The following BMAL2 variants were observed in gnomAD, a reference collection of about 807,000 sequenced individuals.
BMAL2 encodes basic helix-loop-helix ARNT like 2, also known as basic helix-loop-helix ARNT-like protein 2.
the BMAL2 span, among the ~76,000 whole-genome samples, chr12:27,376,995 C>T: frequency 9.1e-4 from 78 of 85,714 alleles, 1 homozygote; most frequent in Non-Finnish European, 6.5e-4. Flanking sequence ...AGCAAAACTC[C>T]GTCTCAAAAA....
chr12:27,387,832 T>C, the BMAL2 span, among the ~76,000 whole-genome samples: 3 of 152,212 alleles, frequency 2.0e-5, no homozygotes, highest in African/African-American at 7.2e-5. Flanking sequence ...TCAAAAATTA[T>C]AGCATTGAAA....
At chr12:27,381,203 G>C in the BMAL2 span, among the ~76,000 whole-genome samples, 1 of 152,130 alleles carries the variant, frequency 6.6e-6, no homozygotes, top group African/African-American at 2.4e-5. Flanking sequence ...GTGTGTGGGT[G>C]ATCATTTCTG....
chr12:27,413,000 GAAA>G, the BMAL2 span, among the ~76,000 whole-genome samples: 2 of 137,570 alleles, frequency 1.5e-5, no homozygotes, highest in Admixed American at 7.4e-5. Context: ...GTGCTGCAAG[GAAA>G]AAAAAAAAAA....
the BMAL2 span, among the ~76,000 whole-genome samples, chr12:27,346,567 C>G: frequency 6.6e-6 from 1 of 152,210 alleles, no homozygotes; most frequent in Admixed American, 6.5e-5. Context: ...CCGGCCTAAA[C>G]CTTTGTTTTT....
At chr12:27,339,219 T>G in the BMAL2 span, among the ~76,000 whole-genome samples, 2 of 152,336 alleles carry the variant, frequency 1.3e-5, no homozygotes, top group South Asian at 4.1e-4. Context: ...GTATTTGGTT[T>G]TCTGGTCCTG....
the BMAL2 span, chr12:27,403,657 A>G: frequency 1.9e-6 from 1 of 529,946 alleles, no homozygotes; most frequent in Non-Finnish European, 3.2e-6. Context: ...AATATAATGG[A>G]AAATATTATC....
chr12:27,405,501 C>G, the BMAL2 span, among the ~76,000 whole-genome samples: 2 of 152,200 alleles, frequency 1.3e-5, no homozygotes, highest in African/African-American at 4.8e-5. Context: ...CTGGAGTGGA[C>G]CTTCAGCAAA....
chr12:27,419,870 T>A, the BMAL2 span, among the ~76,000 whole-genome samples: 1 of 152,198 alleles, frequency 6.6e-6, no homozygotes, highest in Non-Finnish European at 1.5e-5. Flanking sequence ...CTTACTTCCT[T>A]TTTCAATAAA....
the BMAL2 span, chr12:27,376,466 A>T: frequency 7.7e-7 from 1 of 1,301,320 alleles, no homozygotes; most frequent in Non-Finnish European, 1.1e-6. Flanking sequence ...GGCAAAGGTG[A>T]CACCAAGGTA....
At chr12:27,349,902 C>T in the BMAL2 span, among the ~76,000 whole-genome samples, 28 of 152,252 alleles carry the variant, frequency 1.8e-4, no homozygotes, top group African/African-American at 6.7e-4. Flanking sequence ...TGCCTTCTTG[C>T]CATTCAGTCC....
the BMAL2 span, among the ~76,000 whole-genome samples, chr12:27,342,883 A>T: frequency 6.1e-4 from 93 of 152,182 alleles, no homozygotes; most frequent in African/African-American, 2.1e-3. Flanking sequence ...TTTAGTTTTC[A>T]ACTTGAAATG....
At chr12:27,418,788 G>A in the BMAL2 span, among the ~76,000 whole-genome samples, 1 of 152,012 alleles carries the variant, frequency 6.6e-6, no homozygotes, top group Non-Finnish European at 1.5e-5. Flanking sequence ...GACCAGCCTT[G>A]CCAACATGGT....
the BMAL2 span, among the ~76,000 whole-genome samples, chr12:27,365,508 A>G: frequency 6.6e-6 from 1 of 152,032 alleles, no homozygotes; most frequent in South Asian, 2.1e-4. Flanking sequence ...GTTGGGGGTC[A>G]GGGTAGTCCC....
the BMAL2 span, among the ~76,000 whole-genome samples, chr12:27,380,063 T>C: frequency 3.3e-5 from 5 of 152,236 alleles, no homozygotes; most frequent in African/African-American, 7.2e-5. Flanking sequence ...GCAGCGAGTT[T>C]TATGAATGCT....
chr12:27,352,311 C>G, the BMAL2 span, among the ~76,000 whole-genome samples: 1 of 152,242 alleles, frequency 6.6e-6, no homozygotes, highest in African/African-American at 2.4e-5. Context: ...TTTTTGAGTA[C>G]TGGCATGACA....
At chr12:27,420,654 C>T in the BMAL2 span, 2 of 1,152,768 alleles carry the variant, frequency 1.7e-6, no homozygotes, top group East Asian at 2.9e-5. Context: ...TGTTCTACCA[C>T]TTTTTATAGA....
the BMAL2 span, among the ~76,000 whole-genome samples, chr12:27,374,335 C>T: frequency 8.6e-5 from 13 of 151,584 alleles, no homozygotes; most frequent in African/African-American, 2.4e-4. Context: ...ATTCTCTAAA[C>T]AATACCATAT....
At chr12:27,368,528 A>G in the BMAL2 span, 1 of 1,283,304 alleles carries the variant, frequency 7.8e-7, no homozygotes, top group African/African-American at 1.5e-5. Context: ...TGGAGATGGG[A>G]GAGTACTTAT....
At chr12:27,356,716 T>G in the BMAL2 span, among the ~76,000 whole-genome samples, 2 of 152,198 alleles carry the variant, frequency 1.3e-5, no homozygotes, top group Admixed American at 1.3e-4. Context: ...TTTTCCATAG[T>G]CTTTCATCCT....
Sources: allele counts gnomAD v4.1 joint callset (sites outside exome capture counted in the v4.1 genomes callset), GRCh38; gene constraint gnomAD v4.1.1; transcripts MANE v1.5; gene names NCBI Gene and HGNC (gene_info 2026-07-23, HGNC 2026-07-21).